SOX5: variants seen among roughly 807,000 people sequenced by gnomAD.
SOX5 encodes the protein transcription factor SOX-5.
A neutral mutation model predicts 92.0 loss-of-function variants in SOX5; 9 were observed. The observed-to-expected ratio is 0.10, with a 90% CI of 0.06 to 0.17. The LOEUF is 0.17. Ranked by LOEUF, SOX5 falls within the 10% of genes least tolerant of loss-of-function variation. The pLI, the probability that SOX5 is intolerant of heterozygous loss-of-function variation, is 1.00. For synonymous variants in SOX5, 344 were observed against 336.3 expected, an observed-to-expected ratio of 1.02 and a Z score of -0.25; for missense variants, 642 against 944.5, an observed-to-expected ratio of 0.68 and a Z score of 4.20.
At chr12:24,031,772 G>A (rs1183073849) in intron 4 of SOX5, among the ~76,000 whole-genome samples, 2 of 151,674 alleles carry the variant, frequency 1.3e-5, no homozygotes, top group Non-Finnish European at 2.9e-5. Context: ...AAGACTCAGA[G>A]TAACTTAGCA....
intron 1 of SOX5, among the ~76,000 whole-genome samples, chr12:24,377,118 G>T (rs1957366211): frequency 6.6e-6 from 1 of 152,078 alleles, no homozygotes; most frequent in African/African-American, 2.4e-5. Flanking sequence ...AAACCAATAT[G>T]CCAACTACAG....
At chr12:24,179,127 C>T (rs1017409335) in intron 4 of SOX5, among the ~76,000 whole-genome samples, 1 of 152,306 alleles carries the variant, frequency 6.6e-6, no homozygotes, top group South Asian at 2.1e-4. Flanking sequence ...ACATAACTAA[C>T]TGAAGTTCTT....
chr12:24,275,559 T>G (rs10842308), intron 3 of SOX5, among the ~76,000 whole-genome samples: 35,417 of 152,026 alleles, frequency 0.23, 4,469 homozygotes, highest in African/African-American at 0.32. Flanking sequence ...ATCATATAAA[T>G]GTATTCAAAT....
At chr12:23,718,483 T>C (rs2092633486) in intron 6 of SOX5, among the ~76,000 whole-genome samples, 1 of 152,206 alleles carries the variant, frequency 6.6e-6, no homozygotes, top group Non-Finnish European at 1.5e-5. Context: ...TTGGCAGAAT[T>C]AGACCACAGT....
chr12:23,708,295 A>C (rs1173030670), intron 6 of SOX5, among the ~76,000 whole-genome samples: 1 of 151,792 alleles, frequency 6.6e-6, no homozygotes, highest in Non-Finnish European at 1.5e-5. Flanking sequence ...AGAGAATACT[A>C]TTCCAGGAAA....
chr12:23,682,779 G>A (rs1300954681), intron 6 of SOX5, among the ~76,000 whole-genome samples: 2 of 151,516 alleles, frequency 1.3e-5, no homozygotes, highest in Non-Finnish European at 3.0e-5. Context: ...GTATAAAAAT[G>A]TTTTTCAAAA....
intron 1 of SOX5, among the ~76,000 whole-genome samples, chr12:24,466,067 A>G (rs913821381): frequency 2.0e-5 from 3 of 152,162 alleles, no homozygotes; most frequent in African/African-American, 4.8e-5. Flanking sequence ...CATCTTTTCC[A>G]TACCTTGAGA....
At chr12:24,028,790 C>T (rs1955169383) in intron 4 of SOX5, among the ~76,000 whole-genome samples, 1 of 151,914 alleles carries the variant, frequency 6.6e-6, no homozygotes, top group South Asian at 2.1e-4. Flanking sequence ...ATTTATAAGT[C>T]CCTTTGGATG....
At chr12:24,354,229 A>G (rs1954503668) in intron 2 of SOX5, among the ~76,000 whole-genome samples, 1 of 152,248 alleles carries the variant, frequency 6.6e-6, no homozygotes, top group Non-Finnish European at 1.5e-5. Flanking sequence ...TGATCTGAAA[A>G]GGATGAACTA....
chr12:24,497,141 T>A (rs1321510697), intron 1 of SOX5, among the ~76,000 whole-genome samples: 5 of 152,248 alleles, frequency 3.3e-5, no homozygotes, highest in African/African-American at 1.2e-4. Flanking sequence ...TGGTTTCTCA[T>A]ATAATTTTAC....
intron 3 of SOX5, among the ~76,000 whole-genome samples, chr12:24,273,877 C>A (rs1488646339): frequency 1.3e-5 from 2 of 152,082 alleles, no homozygotes; most frequent in Non-Finnish European, 2.9e-5. Context: ...TGTAGGATAT[C>A]TATTATTGTT....
intron 4 of SOX5, among the ~76,000 whole-genome samples, chr12:23,976,658 T>C (rs897250514): frequency 5.3e-5 from 8 of 152,244 alleles, no homozygotes; most frequent in African/African-American, 1.9e-4. Context: ...GAAGGTGGAT[T>C]TATAACTGCA....
intron 1 of SOX5, among the ~76,000 whole-genome samples, chr12:24,442,619 G>A (rs1940817457): frequency 1.3e-5 from 2 of 152,118 alleles, no homozygotes; most frequent in Non-Finnish European, 2.9e-5. Flanking sequence ...ACTAGGAGGT[G>A]GTAAGGGAGC....
intron 3 of SOX5, among the ~76,000 whole-genome samples, chr12:23,785,838 T>C (rs1428078349): frequency 6.6e-6 from 1 of 152,170 alleles, no homozygotes; most frequent in East Asian, 1.9e-4. Flanking sequence ...CAAATCTATT[T>C]AGTCTCTCAA....
intron 11 of SOX5, among the ~76,000 whole-genome samples, chr12:23,561,471 C>G (rs1946184139): frequency 6.6e-6 from 1 of 152,124 alleles, no homozygotes; most frequent in Admixed American, 6.5e-5. Flanking sequence ...GATTAACTCA[C>G]AGTGCCATGG....
At chr12:23,812,207 T>C (rs2095887614) in intron 3 of SOX5, among the ~76,000 whole-genome samples, 1 of 152,048 alleles carries the variant, frequency 6.6e-6, no homozygotes, top group South Asian at 2.1e-4. Context: ...ACCCAGTAAA[T>C]GAAGCTGTAT....
chr12:23,579,488 T>C (rs1949744987), intron 9 of SOX5, among the ~76,000 whole-genome samples: 1 of 152,162 alleles, frequency 6.6e-6, no homozygotes, highest in East Asian at 1.9e-4. Flanking sequence ...ACTACTGAGC[T>C]GCTATACCAA....
chr12:24,301,511 A>G (rs1458646483), intron 2 of SOX5, among the ~76,000 whole-genome samples: 2 of 152,200 alleles, frequency 1.3e-5, no homozygotes, highest in Non-Finnish European at 1.5e-5. Flanking sequence ...CATTCAAATA[A>G]AAGAGCAGGC....
At chr12:24,011,992 C>T (rs1451010944) in intron 4 of SOX5, among the ~76,000 whole-genome samples, 1 of 152,074 alleles carries the variant, frequency 6.6e-6, no homozygotes, top group African/African-American at 2.4e-5. Flanking sequence ...ACATTTTTCC[C>T]AGGACTTCAA....
Sources: allele counts gnomAD v4.1 joint callset (sites outside exome capture counted in the v4.1 genomes callset), GRCh38; gene constraint gnomAD v4.1.1; transcripts MANE v1.5; gene names NCBI Gene and HGNC (gene_info 2026-07-23, HGNC 2026-07-21).